The following CNTNAP2 variants were observed in gnomAD, a reference collection of about 807,000 sequenced individuals.
CNTNAP2 encodes contactin associated protein 2, also known as contactin-associated protein-like 2.
In CNTNAP2, 98 loss-of-function variants were observed where a neutral mutation model predicts 155.2. The ratio of observed to expected loss-of-function variants is 0.63; its 90% CI spans 0.54 to 0.75. The LOEUF (loss-of-function observed/expected upper bound fraction) is 0.75. Ranked by LOEUF, CNTNAP2 falls within the 30% of genes least tolerant of loss-of-function variation. CNTNAP2 has a pLI of 0.00. For missense variants in CNTNAP2, 1,727 were observed against 1,688.1 expected, an observed-to-expected ratio of 1.02 and a Z score of -0.40; for synonymous variants, 651 against 631.2, an observed-to-expected ratio of 1.03 and a Z score of -0.47.
chr7:147,566,390 G>A (rs1391948770), intron 12 of CNTNAP2, among the ~76,000 whole-genome samples: 1 of 150,064 alleles, frequency 6.7e-6, no homozygotes, highest in African/African-American at 2.5e-5. Flanking sequence ...GTGGGGGGAT[G>A]AGGAATTAGT....
intron 10 of CNTNAP2, among the ~76,000 whole-genome samples, chr7:147,484,478 C>T (rs1798477200): frequency 6.6e-6 from 1 of 152,182 alleles, no homozygotes; most frequent in Non-Finnish European, 1.5e-5. Flanking sequence ...TTCATACATA[C>T]TGTATCTACT....
chr7:147,008,602 G>GT (rs1262285198), intron 3 of CNTNAP2, among the ~76,000 whole-genome samples: 1 of 152,056 alleles, frequency 6.6e-6, no homozygotes, highest in Non-Finnish European at 1.5e-5. Flanking sequence ...GCATACACAC[G>GT]TAAGTACGCC....
chr7:148,348,826 A>G lies in CNTNAP2; in HGVS notation c.3476-34823A>G, dbSNP rs1053475300. Among the ~76,000 whole-genome samples the G allele has an allele frequency of 3.9e-5, 6 of 152,202 alleles. No homozygotes were observed. The South Asian group carries it at 6.2e-4, about 16-fold the overall frequency. ...AGATTTTGGGCAGATTCACTACCTA[A>G]TCGGATGCGAGACTTTTCATTTCTT... is the stretch of plus-strand genomic sequence containing the variant. On this transcript the variant is annotated intron_variant, in intron 21 of 23. Transcript: ENST00000361727.
At chr7:147,687,806 T>G (rs911726254) in intron 13 of CNTNAP2, among the ~76,000 whole-genome samples, 3 of 152,106 alleles carry the variant, frequency 2.0e-5, no homozygotes, top group Non-Finnish European at 2.9e-5. Context: ...TAAGTTCTAA[T>G]GCTGAAGTTA....
At chr7:147,176,977 AATT>A (rs2116490842) in intron 8 of CNTNAP2, among the ~76,000 whole-genome samples, 1 of 139,580 alleles carries the variant, frequency 7.2e-6, no homozygotes, top group South Asian at 2.1e-4. Context: ...CTATATATAA[AATT>A]ATAGATATAA....
chr7:147,268,375 G>A lies in CNTNAP2; in HGVS notation c.1349-31766G>A, dbSNP rs181764811. On this transcript the variant is annotated intron_variant, in intron 8 of 23. Coordinates refer to ENST00000361727, the MANE Select transcript of CNTNAP2 (RefSeq NM_014141.6). Reference sequence around the variant, plus strand: ...GAGTTCATGTCCTTTGCAGGAACATGGATGAAGCTGGAAACCATCATTTTC... The same window carrying A: ...GAGTTCATGTCCTTTGCAGGAACATAGATGAAGCTGGAAACCATCATTTTC... Among the ~76,000 whole-genome samples, 3 of 152,230 alleles carry A rather than the reference G, an allele frequency of 2.0e-5. No individual in the cohort carries two copies. In the East Asian group the frequency reaches 5.8e-4, roughly 29 times the overall value.
chr7:147,910,773 C>T (rs1358220294), intron 14 of CNTNAP2, among the ~76,000 whole-genome samples: 3 of 152,092 alleles, frequency 2.0e-5, no homozygotes, highest in Admixed American at 6.6e-5. Flanking sequence ...TGGGGGATAC[C>T]ACCCCCATGA....
intron 1 of CNTNAP2, among the ~76,000 whole-genome samples, chr7:146,703,251 G>A (rs1002356832): frequency 2.0e-5 from 3 of 152,094 alleles, no homozygotes; most frequent in African/African-American, 7.2e-5. Context: ...TCTCAGCATG[G>A]TGAAATAGCT....
rs748686755 is a variant in CNTNAP2, at chr7:146,286,284, TTCTC to T, written c.97+169323_97+169326del. ...TCTCTAAAATGAGAACAATGATAAC[TTCTC>T]TCTCTCTCTCTTTTTAACTTTTGAT... On this transcript the variant is annotated intron_variant, in intron 1 of 23. Transcript: ENST00000361727. Among the ~76,000 whole-genome samples the T allele has an allele frequency of 6.6e-5, 10 of 151,248 alleles. No individual in the cohort carries two copies. In the South Asian group the frequency reaches 8.4e-4, roughly 13 times the overall value.
intron 2 of CNTNAP2, among the ~76,000 whole-genome samples, chr7:146,779,899 G>T (rs570571464): frequency 6.6e-6 from 1 of 152,170 alleles, no homozygotes. Context: ...GTGAATAACA[G>T]ATGTTTGGAG....
chr7:146,472,936 T>C (rs1322623937), intron 1 of CNTNAP2, among the ~76,000 whole-genome samples: 1 of 149,766 alleles, frequency 6.7e-6, no homozygotes, highest in East Asian at 1.9e-4. Context: ...AGCAGTGGGA[T>C]ACTAGATACG....
At chr7:147,627,669 G>C (rs1795007906) in intron 12 of CNTNAP2, among the ~76,000 whole-genome samples, 1 of 135,328 alleles carries the variant, frequency 7.4e-6, no homozygotes, top group Non-Finnish European at 1.5e-5. Flanking sequence ...TCCAGCCTGG[G>C]GGACAGAGCG....
intron 1 of CNTNAP2, among the ~76,000 whole-genome samples, chr7:146,667,698 A>T (rs1800221828): frequency 7.3e-6 from 1 of 137,354 alleles, no homozygotes; most frequent in African/African-American, 2.8e-5. Flanking sequence ...TCCTTGGATA[A>T]ATTCACTTTT....
Position 148,118,243 on chromosome 7 carries a change from C to A in CNTNAP2, c.2509C>A (p.Leu837Ile). The A allele has an allele frequency of 6.2e-7, 1 of 1,614,152 alleles. No homozygotes were observed. Among genetic ancestry groups the A allele is most frequent in the Non-Finnish European group, 8.5e-7 (1 of 1,180,016 alleles). ...AACATTAACCCCCTGGGGAGTGTTT[C>A]TTGAAAATATGGGAAAGGAAGATTT... ...FKTLTPWGVF[L>I]ENMGKEDFIK... The change falls in exon 16 of 24, where the codon CTT becomes ATT. Residue 837 changes from leucine to isoleucine, a missense_variant. Physicochemically the swap from Leu to Ile is conservative, Grantham distance 5. Coordinates refer to ENST00000361727, the MANE Select transcript of CNTNAP2 (RefSeq NM_014141.6).
intron 13 of CNTNAP2, among the ~76,000 whole-genome samples, chr7:147,642,925 T>C (rs184664220): frequency 8.4e-4 from 128 of 152,318 alleles, no homozygotes; most frequent in African/African-American, 2.7e-3. Context: ...ATGAATAATA[T>C]ATAGCTTTAA....
intron 11 of CNTNAP2, among the ~76,000 whole-genome samples, chr7:147,526,339 A>G (rs967200936): frequency 1.3e-5 from 2 of 152,184 alleles, no homozygotes; most frequent in Non-Finnish European, 2.9e-5. Context: ...TTGTGGACTA[A>G]GGAGGTAGAA....
intron 21 of CNTNAP2, among the ~76,000 whole-genome samples, chr7:148,329,162 C>A (rs1419855010): frequency 6.6e-6 from 1 of 152,080 alleles, no homozygotes; most frequent in African/African-American, 2.4e-5. Flanking sequence ...TCTGTCTGAC[C>A]TTGGGGATTC....
chr7:146,426,769 G>C (rs1044611487), intron 1 of CNTNAP2, among the ~76,000 whole-genome samples: 4 of 151,966 alleles, frequency 2.6e-5, no homozygotes, highest in Non-Finnish European at 5.9e-5. Context: ...ATAAGTTCAA[G>C]AGATCTTTTA....
At chr7:146,503,480 A>T (rs532986350) in intron 1 of CNTNAP2, among the ~76,000 whole-genome samples, 1 of 152,320 alleles carries the variant, frequency 6.6e-6, no homozygotes, top group African/African-American at 2.4e-5. Flanking sequence ...TAGCCAAAAG[A>T]TTGTATACCT....
Sources: gnomAD v4.1 joint callset for allele counts (sites outside exome capture counted in the v4.1 genomes callset) on GRCh38, gnomAD v4.1.1 for gene constraint, MANE v1.5 for transcripts, NCBI Gene and HGNC (gene_info 2026-07-23, HGNC 2026-07-21) for gene names.